CENPP: variants seen among roughly 807,000 people sequenced by gnomAD.
CENPP encodes the protein centromere protein P.
In CENPP, 24 loss-of-function variants were observed where a neutral mutation model predicts 35.6. The ratio of observed to expected loss-of-function variants is 0.67; its 90% CI spans 0.49 to 0.95. CENPP has a LOEUF of 0.95. Among genes scored for constraint, CENPP ranks in the 40% least tolerant of loss-of-function variants. CENPP has a pLI of 0.00. For missense variants in CENPP, 332 were observed against 345.3 expected (o/e 0.96, Z 0.31); for synonymous variants, 120 against 125.5 (o/e 0.96, Z 0.29).
chr9:92,565,293 TAAAAAAAAAAA>T (rs3078380), intron 5 of CENPP, among the ~76,000 whole-genome samples: 482 of 33,158 alleles, frequency 0.015, 4 homozygotes, highest in Middle Eastern at 0.053. Context: ...GCTGATGAGC[TAAAAAAAAAAA>T]AAAAAAAAAA....
chr9:92,610,368 T>C (rs1173640664), intron 5 of CENPP, among the ~76,000 whole-genome samples: 1 of 150,858 alleles, frequency 6.6e-6, no homozygotes, highest in Non-Finnish European at 1.5e-5. Context: ...AAGACAAGTT[T>C]TTAAGAACTG....
At chr9:92,595,575 G>T (rs1163516753) in intron 5 of CENPP, among the ~76,000 whole-genome samples, 17 of 147,878 alleles carry the variant, frequency 1.1e-4, no homozygotes, top group African/African-American at 3.2e-4. Flanking sequence ...TTTGTTTTTT[G>T]TTTTTTTTTT....
At chr9:92,372,836 G>T in intron 4 of CENPP, among the ~76,000 whole-genome samples, 1 of 150,162 alleles carries the variant, frequency 6.7e-6, no homozygotes, top group Non-Finnish European at 1.5e-5. Context: ...TTTTTTGATA[G>T]GTGACTAGAC....
intron 5 of CENPP, chr9:92,385,458 CTTA>C (rs1205835868): frequency 6.8e-6 from 4 of 590,382 alleles, no homozygotes; most frequent in African/African-American, 5.7e-5. Context: ...TTACTTTTTA[CTTA>C]TTATATGTAA....
At chr9:92,409,508 A>C (rs1015850921) in intron 5 of CENPP, among the ~76,000 whole-genome samples, 3 of 152,246 alleles carry the variant, frequency 2.0e-5, no homozygotes, top group African/African-American at 4.8e-5. Flanking sequence ...CAAGCTTGAG[A>C]AATCGAGTGA....
intron 4 of CENPP, among the ~76,000 whole-genome samples, chr9:92,355,721 C>T (rs1008490154): frequency 6.6e-6 from 1 of 152,192 alleles, no homozygotes; most frequent in Non-Finnish European, 1.5e-5. Flanking sequence ...ATTTCATATG[C>T]ATAAATTCTC....
At chr9:92,506,853 G>T (rs1365033099) in intron 5 of CENPP, among the ~76,000 whole-genome samples, 2 of 152,090 alleles carry the variant, frequency 1.3e-5, no homozygotes, top group African/African-American at 4.8e-5. Flanking sequence ...GTGGAGTGAA[G>T]GTTGGTGCTC....
rs118009466 is a variant in CENPP, at chr9:92,613,630, C to G, written c.*481C>G. On this transcript the variant is annotated 3_prime_UTR_variant, in exon 8 of 8. Transcript: ENST00000375587. ...CACACCCTCACTCCCTGCCTCCCCC[C>G]GGTCCGCATGGTGGCACCGTGAGGC... The G allele has an allele frequency of 4.0e-4, 64 of 160,926 alleles. No homozygotes were observed. The highest frequency in any genetic ancestry group is 7.6e-4 in the Admixed American group (13 of 17,048). The allele number at this position is 160,926 out of a possible 1,614,324, so 10.0% of individuals were successfully genotyped here. A position where few individuals can be genotyped will look rare whatever the true frequency, so the allele number is the denominator to read the frequency against.
chr9:92,467,516 G>T (rs1554766205), intron 5 of CENPP, among the ~76,000 whole-genome samples: 1 of 152,154 alleles, frequency 6.6e-6, no homozygotes, highest in Non-Finnish European at 1.5e-5. Flanking sequence ...GCGTCTTCAG[G>T]ACCTTTTTGT....
intron 5 of CENPP, among the ~76,000 whole-genome samples, chr9:92,591,419 AAAATAAAT>A (rs376342154): frequency 1.3e-5 from 2 of 151,500 alleles, no homozygotes; most frequent in African/African-American, 4.9e-5. Flanking sequence ...ACTCTGTCTC[AAAATAAAT>A]AAATAAATAA....
intron 5 of CENPP, chr9:92,384,392 A>G (rs1842345899): frequency 1.3e-5 from 2 of 152,174 alleles, no homozygotes; most frequent in Admixed American, 6.5e-5. Context: ...TATGGTGGAA[A>G]TAATGTTTGT....
intron 5 of CENPP, among the ~76,000 whole-genome samples, chr9:92,455,793 C>A (rs145841803): frequency 6.6e-6 from 1 of 152,206 alleles, no homozygotes; most frequent in East Asian, 1.9e-4. Context: ...TACATTAGGC[C>A]AGGCTCAGTG....
chr9:92,419,699 A>G (rs142175709), intron 5 of CENPP, among the ~76,000 whole-genome samples: 235 of 152,308 alleles, frequency 1.5e-3, no homozygotes, highest in Non-Finnish European at 2.4e-3. Flanking sequence ...TGCTATCCAG[A>G]TGAAATGAAT....
intron 5 of CENPP, among the ~76,000 whole-genome samples, chr9:92,553,164 G>A (rs1849649828): frequency 6.6e-6 from 1 of 152,056 alleles, no homozygotes; most frequent in African/African-American, 2.4e-5. Flanking sequence ...TTGTTGAAAA[G>A]GTTGTCCTTT....
At chr9:92,418,386 C>T (rs928886939) in intron 5 of CENPP, among the ~76,000 whole-genome samples, 3 of 151,564 alleles carry the variant, frequency 2.0e-5, no homozygotes, top group Non-Finnish European at 4.4e-5. Flanking sequence ...TGCGCCTGGC[C>T]GAGATTTTTT....
At chr9:92,417,423 G>A (rs539847696) in intron 5 of CENPP, 14 of 1,613,918 alleles carry the variant, frequency 8.7e-6, no homozygotes, top group African/African-American at 5.3e-5. Flanking sequence ...ACATTTTGAC[G>A]AAATGGGAAT....
intron 5 of CENPP, among the ~76,000 whole-genome samples, chr9:92,576,647 A>C (rs955860071): frequency 2.0e-5 from 3 of 152,194 alleles, no homozygotes; most frequent in African/African-American, 4.8e-5. Context: ...TAAGATTTAA[A>C]TAATAATTGT....
intron 5 of CENPP, among the ~76,000 whole-genome samples, chr9:92,387,303 G>T (rs558656578): frequency 5.9e-5 from 9 of 151,888 alleles, no homozygotes; most frequent in African/African-American, 2.2e-4. Flanking sequence ...TTGAACCCAG[G>T]GGGTGGAGGT....
chr9:92,461,582 A>C (rs1181812205), intron 5 of CENPP, among the ~76,000 whole-genome samples: 1 of 152,086 alleles, frequency 6.6e-6, no homozygotes, highest in Non-Finnish European at 1.5e-5. Context: ...GGATCCTTTA[A>C]CTTCTTCCTA....
Sources: allele counts gnomAD v4.1 joint callset (sites outside exome capture counted in the v4.1 genomes callset), GRCh38; gene constraint gnomAD v4.1.1; transcripts MANE v1.5; gene names NCBI Gene and HGNC (gene_info 2026-07-23, HGNC 2026-07-21).